The following DEPDC1 variants were observed in gnomAD, a reference collection of about 807,000 sequenced individuals.
The protein encoded by DEPDC1 is DEP domain containing 1.
Under a neutral mutation model 86.8 loss-of-function variants are expected in DEPDC1, and 66 were observed. The ratio of observed to expected loss-of-function variants is 0.76; its 90% confidence interval spans 0.62 to 0.93. The LOEUF is 0.93. Ranked by LOEUF, DEPDC1 falls within the 40% of genes least tolerant of loss-of-function variation. DEPDC1 has a pLI of 0.00. For missense variants in DEPDC1, 792 were observed against 935.7 expected, an observed-to-expected ratio of 0.85 and a Z score of 2.00; for synonymous variants, 255 against 314.9, an observed-to-expected ratio of 0.81 and a Z score of 2.02.
rs559092925 is a variant in DEPDC1 at position 68,488,795 on chromosome 1, C to T, written c.590+121G>A. The T allele has an allele frequency of 4.7e-5, 36 of 764,786 alleles. No homozygotes were observed. In the East Asian group the frequency reaches 4.9e-4, roughly 10 times the overall value. 47.4% of individuals were successfully genotyped at this position (764,786 alleles called of 1,614,324 possible). Reference sequence around the variant, plus strand: ...GAGTATTTATTTAAAAACACATATACAGGTTGCATTCTAAGCTTTCAGAAT... The same window carrying T: ...GAGTATTTATTTAAAAACACATATATAGGTTGCATTCTAAGCTTTCAGAAT... On this transcript the variant is annotated intron_variant, in intron 4 of 11. Coordinates refer to ENST00000456315, the MANE Select transcript of DEPDC1 (RefSeq NM_001114120.3).
rs74083713 is a variant in DEPDC1 at position 68,484,956 on chromosome 1, T to A, written c.770-866A>T. 5.6e-4 allele frequency among the ~76,000 whole-genome samples: 71 copies of A among 126,002 alleles called. 2 individuals carry two copies. The South Asian group carries it at 8.8e-3, about 16-fold the overall frequency. The allele number at this position is 126,002 out of a possible 152,430, so 82.7% of individuals were successfully genotyped here. On this transcript the variant is annotated intron_variant, in intron 6 of 11. Transcript: ENST00000456315. ...TGGAGGCATATATATATATATATATTTTTTAAAGATTCCTGACCTACAGAA... is the reference window on the plus strand; with the variant it reads ...TGGAGGCATATATATATATATATATATTTTAAAGATTCCTGACCTACAGAA...
chr1:68,481,625 A>G lies in DEPDC1; in HGVS notation c.1763-13T>C, dbSNP rs777036652. The G allele has an allele frequency of 9.5e-6, 14 of 1,480,532 alleles. No individual in the cohort carries two copies. Among genetic ancestry groups the G allele is most frequent in the African/African-American group, 2.1e-5 (1 of 48,552 alleles). The allele number at this position is 1,480,532 out of a possible 1,614,324, so 91.7% of individuals were successfully genotyped here. ...GGTTGCAGCAAGCCTAGAATACAAA[A>G]ATACCCCCCCAAAAATCATCAATGA... is the stretch of plus-strand genomic sequence containing the variant. On this transcript the variant is annotated splice_polypyrimidine_tract_variant and intron_variant, in intron 8 of 11. Transcript: ENST00000456315.
At chr1:68,478,299 T>A (rs1286156923) in intron 10 of DEPDC1, among the ~76,000 whole-genome samples, 1 of 152,002 alleles carries the variant, frequency 6.6e-6, no homozygotes, top group Admixed American at 6.6e-5. Context: ...TTATAATTAT[T>A]ACCATTAACT....
Position 68,476,902 on chromosome 1 carries a change from C to G in DEPDC1, c.*30G>C, listed in dbSNP as rs374281152. The G allele has an allele frequency of 1.5e-5, 23 of 1,505,032 alleles. No homozygotes were observed. The highest frequency in any genetic ancestry group is 2.1e-5 in the Non-Finnish European group (23 of 1,117,104). The allele number at this position is 1,505,032 out of a possible 1,614,324, so 93.2% of individuals were successfully genotyped here. A position where few individuals can be genotyped will look rare whatever the true frequency, so the allele number is the denominator to read the frequency against. Reference sequence around the variant, plus strand: ...TATGGCTTCATTTATCAAAGTTCCACAAGTATTACATAATTTTTAATTCAG... The same window carrying G: ...TATGGCTTCATTTATCAAAGTTCCAGAAGTATTACATAATTTTTAATTCAG... On this transcript the variant is annotated 3_prime_UTR_variant, in exon 12 of 12. Coordinates refer to ENST00000456315, the MANE Select transcript of DEPDC1 (RefSeq NM_001114120.3).
Position 68,488,508 on chromosome 1 carries a change from A to C in DEPDC1, c.591-4T>G. On this transcript the variant is annotated splice_polypyrimidine_tract_variant and splice_region_variant and intron_variant, in intron 4 of 11. Transcript: ENST00000456315. The stretch of plus-strand genomic sequence containing the variant: ...CACACCTAAAATGGTTTGCAGGCTA[A>C]ATAGAAGAAAGAATATTAACTTTTT... 1.3e-6 allele frequency: 2 copies of C among 1,598,702 alleles called. No homozygotes were observed. Among genetic ancestry groups the C allele is most frequent in the Middle Eastern group, 1.9e-4 (1 of 5,162 alleles).
chr1:68,483,600 A>G (rs912952335), intron 7 of DEPDC1: 23 of 281,918 alleles, frequency 8.2e-5, no homozygotes, highest in East Asian at 3.1e-4. Context: ...GAAAGGGTAG[A>G]GAAACTCTGT....
intron 2 of DEPDC1, among the ~76,000 whole-genome samples, chr1:68,492,705 A>T (rs953594724): frequency 1.2e-4 from 18 of 152,148 alleles, no homozygotes; most frequent in South Asian, 4.1e-4. Context: ...ACAAAAGCAA[A>T]ACAAATAAAG....
rs1425658931 is a variant in DEPDC1 at position 68,494,632 on chromosome 1, T to A, written c.112A>T (p.Lys38Ter). Residue 38 changes from lysine to a stop codon, truncating the protein, a stop_gained, in exon 2 of 12, where the codon AAA becomes TAA. Transcript: ENST00000456315. LOFTEE classifies it high-confidence loss of function. Reference sequence around the variant, plus strand: ...GCTGTGAAACAATTGCCATATTTTTTAAAGTGTTGTCTGTGTTTTCTTAGA... The same window carrying A: ...GCTGTGAAACAATTGCCATATTTTTAAAAGTGTTGTCTGTGTTTTCTTAGA... The part of the protein sequence containing the change: ...MPLRKHRQHF[K>*]KYGNCFTAGE... The A allele has an allele frequency of 1.2e-6, 2 of 1,613,750 alleles. No homozygotes were observed. Among genetic ancestry groups the A allele is most frequent in the Non-Finnish European group, 1.7e-6 (2 of 1,179,724 alleles).
intron 1 of DEPDC1, 37 bp from the exon 2 acceptor site, chr1:68,494,732 G>T (rs759617252): frequency 6.5e-7 from 1 of 1,536,406 alleles, no homozygotes; most frequent in Non-Finnish European, 8.9e-7. Flanking sequence ...AAAAATTGAA[G>T]AAAAATTAAA....
intron 5 of DEPDC1, among the ~76,000 whole-genome samples, chr1:68,487,837 G>T (rs946158603): frequency 1.3e-5 from 2 of 151,536 alleles, no homozygotes; most frequent in South Asian, 2.1e-4. Flanking sequence ...CCTGATTTTT[G>T]TATCTAAATC....
In DEPDC1 at chr1:68,482,605, A is replaced by G. The variant is rs2100251985; in HGVS notation, c.1203T>C (p.His401=). 6.2e-7 allele frequency: 1 copy of G among 1,612,982 alleles called. No homozygotes were observed. Among genetic ancestry groups the G allele is most frequent in the Middle Eastern group, 1.7e-4 (1 of 6,048 alleles). Residue 401 remains histidine (H), a synonymous_variant, in exon 8 of 12, where the codon CAT becomes CAC. Coordinates refer to ENST00000456315, the MANE Select transcript of DEPDC1 (RefSeq NM_001114120.3). The part of the protein sequence containing the change: ...SANDIMGGSC[H]NLIGLSNMHD... The stretch of plus-strand genomic sequence containing the variant: ...GCATATTACTTAACCCTATTAAATT[A>G]TGACAACTTCCTCCCATTATGTCAT...
chr1:68,483,900 A>G (rs1646174699), intron 7 of DEPDC1, 50 bp downstream of exon 7: 1 of 1,176,330 alleles, frequency 8.5e-7, no homozygotes, highest in Non-Finnish European at 1.2e-6. Context: ...ATTATAAGAA[A>G]GTTGAAAACT....
chr1:68,484,234 G>A (rs556801048), intron 6 of DEPDC1, 144 bp from the exon 7 acceptor site: 1 of 551,614 alleles, frequency 1.8e-6, no homozygotes, highest in South Asian at 3.8e-5. Flanking sequence ...TTTAAAGGGT[G>A]TATTTCATTC....
chr1:68,492,579 T>C (rs1220862787), intron 2 of DEPDC1, among the ~76,000 whole-genome samples: 1 of 152,032 alleles, frequency 6.6e-6, no homozygotes. Flanking sequence ...TGGTGGTGTG[T>C]GCCTGTAGTC....
At chr1:68,485,771 T>C (rs958161739) in intron 6 of DEPDC1, among the ~76,000 whole-genome samples, 1 of 152,080 alleles carries the variant, frequency 6.6e-6, no homozygotes, top group African/African-American at 2.4e-5. Flanking sequence ...ATAAAATGTT[T>C]CTGTAAATAT....
chr1:68,491,362 T>G (rs1249308163), intron 2 of DEPDC1, among the ~76,000 whole-genome samples: 1 of 152,102 alleles, frequency 6.6e-6, no homozygotes, highest in Non-Finnish European at 1.5e-5. Flanking sequence ...GCAAAGGACA[T>G]GAACTGACAC....
rs1302375635 is a variant in DEPDC1 at position 68,482,370 on chromosome 1, T to C, written c.1438A>G (p.Ser480Gly). The stretch of plus-strand genomic sequence containing the variant: ...GTAGAGGTTCTCTTAAAACCAGCAC[T>C]GAATGGCTTTTGAATATTTTCCTCT... Reference protein sequence around the residue: ...HSEENIQKPFSAGFKRTSTLT... With the variant: ...HSEENIQKPFGAGFKRTSTLT... Residue 480 changes from serine (S) to glycine (G), a missense_variant, in exon 8 of 12, where the codon AGT becomes GGT. Physicochemically the swap from Ser to Gly is moderately conservative, Grantham distance 56. Transcript: ENST00000456315. 2 of 1,612,746 alleles carry C rather than the reference T, an allele frequency of 1.2e-6. No individual in the cohort carries two copies.
intron 8 of DEPDC1, 76 bp from the exon 9 acceptor site, chr1:68,481,688 A>T (rs1299791112): frequency 2.6e-6 from 3 of 1,148,544 alleles, no homozygotes; most frequent in African/African-American, 1.6e-5. Flanking sequence ...ATACAGCTAT[A>T]TAAAGAAGGT....
chr1:68,489,354 T>G lies in DEPDC1; in HGVS notation c.471+98A>C, dbSNP rs1571203333. On this transcript the variant is annotated intron_variant, in intron 3 of 11. Coordinates refer to ENST00000456315, the MANE Select transcript of DEPDC1 (RefSeq NM_001114120.3). The stretch of plus-strand genomic sequence containing the variant: ...AATGTAGGTTAGGAGGTTTCAGTTC[T>G]GGCTTTAAATATTAAAGAATAATTT... 12 of 885,354 alleles carry G rather than the reference T, an allele frequency of 1.4e-5. No homozygotes were observed. The East Asian group carries it at 3.8e-4, about 28-fold the overall frequency. 54.8% of individuals were successfully genotyped at this position (885,354 alleles called of 1,614,324 possible). A position where few individuals can be genotyped will look rare whatever the true frequency, so the allele number is the denominator to read the frequency against.
Sources: allele counts gnomAD v4.1 joint callset (sites outside exome capture counted in the v4.1 genomes callset), GRCh38; gene constraint gnomAD v4.1.1; transcripts MANE v1.5; gene names NCBI Gene and HGNC (gene_info 2026-07-23, HGNC 2026-07-21).